The following PSD3 variants were observed in gnomAD, a reference collection of about 807,000 sequenced individuals.
The protein encoded by PSD3 is PH and SEC7 domain-containing protein 3.
A neutral mutation model predicts 105.5 loss-of-function variants in PSD3; 49 were observed. That is an observed-to-expected ratio of 0.46 (90% CI 0.37 to 0.59). The LOEUF (loss-of-function observed/expected upper bound fraction) is 0.59, where lower values mean the gene tolerates loss of function less well. Ranked by LOEUF, PSD3 falls within the 20% of genes least tolerant of loss-of-function variation. PSD3 has a pLI of 0.00. For missense variants in PSD3, 1,561 were observed against 1,263.8 expected (o/e 1.24, Z -3.57); for synonymous variants, 557 against 457.8 (o/e 1.22, Z -2.77).
intron 9 of PSD3, among the ~76,000 whole-genome samples, chr8:18,658,132 A>C (rs1342747522): frequency 1.3e-5 from 2 of 152,246 alleles, no homozygotes; most frequent in Non-Finnish European, 2.9e-5. Context: ...CTCACTGTGT[A>C]AACAACATAG....
chr8:18,706,307 C>T (rs1801894954), intron 9 of PSD3, among the ~76,000 whole-genome samples: 1 of 152,156 alleles, frequency 6.6e-6, no homozygotes, highest in African/African-American at 2.4e-5. Context: ...CAATATTGTG[C>T]TGTAAATTGT....
chr8:19,025,639 G>C (rs1215781493), intron 1 of PSD3, among the ~76,000 whole-genome samples: 1 of 152,118 alleles, frequency 6.6e-6, no homozygotes, highest in African/African-American at 2.4e-5. Context: ...ATGGCCACTT[G>C]GTCAGAAGTA....
intron 4 of PSD3, among the ~76,000 whole-genome samples, chr8:18,822,836 A>T (rs1404665127): frequency 6.6e-6 from 1 of 152,190 alleles, no homozygotes; most frequent in Admixed American, 6.5e-5. Flanking sequence ...AAATAAAAAA[A>T]TCCATGTCAG....
rs568532500 is a variant in PSD3 at position 18,795,744 on chromosome 8, T to C, written c.2082+3551A>G. 4.6e-5 allele frequency among the ~76,000 whole-genome samples: 7 copies of C among 152,264 alleles called. No individual in the cohort carries two copies. In the South Asian group the frequency reaches 6.2e-4, roughly 14 times the overall value. Reference sequence around the variant, plus strand: ...GAAGTACAAGCAAGCTAGTTAGTGGTAGGAAACAGAACGCATTTGAAGATC... The same window carrying C: ...GAAGTACAAGCAAGCTAGTTAGTGGCAGGAAACAGAACGCATTTGAAGATC... On this transcript the variant is annotated intron_variant, in intron 8 of 15. Coordinates refer to ENST00000327040, the MANE Select transcript of PSD3 (RefSeq NM_015310.4).
At chr8:18,781,387 C>T (rs1808608116) in intron 8 of PSD3, among the ~76,000 whole-genome samples, 1 of 152,192 alleles carries the variant, frequency 6.6e-6, no homozygotes. Context: ...CCATCTTTGT[C>T]TCTTGAAGTA....
intron 9 of PSD3, among the ~76,000 whole-genome samples, chr8:18,722,839 T>C (rs896858714): frequency 1.3e-5 from 2 of 152,094 alleles, no homozygotes; most frequent in African/African-American, 4.8e-5. Flanking sequence ...ATTACTGGAG[T>C]ACAATATGCC....
chr8:18,554,459 T>C (rs1393244630), intron 15 of PSD3, among the ~76,000 whole-genome samples: 1 of 152,218 alleles, frequency 6.6e-6, no homozygotes, highest in African/African-American at 2.4e-5. Flanking sequence ...AACGTTTACC[T>C]TTACCAAAAT....
In PSD3 at chr8:18,977,034, T is replaced by C. The variant is rs191593436; in HGVS notation, c.21+36529A>G. Among the ~76,000 whole-genome samples, 492 of 152,132 alleles carry C rather than the reference T, an allele frequency of 3.2e-3. 8 individuals are homozygous for C. The highest frequency in any genetic ancestry group is 0.03 in the Admixed American group (459 of 15,278). On this transcript the variant is annotated intron_variant, in intron 1 of 15. Transcript: ENST00000327040. The stretch of plus-strand genomic sequence containing the variant: ...ATGAGTGTGGTTAAGAAATGGTGGG[T>C]GGATCATCTGAGGTCAGGAGTTGGA...
At chr8:19,079,891 CTTT>C (rs11462511) in intron 1 of PSD3, among the ~76,000 whole-genome samples, 4 of 136,524 alleles carry the variant, frequency 2.9e-5, no homozygotes, top group African/African-American at 8.1e-5. Context: ...AAGAAAATAG[CTTT>C]TTTTTTTTTT....
intron 1 of PSD3, among the ~76,000 whole-genome samples, chr8:18,959,651 G>C (rs577969391): frequency 6.6e-6 from 1 of 152,234 alleles, no homozygotes; most frequent in African/African-American, 2.4e-5. Flanking sequence ...TGGGAATCAA[G>C]ACATTACTTT....
At chr8:18,809,105 C>T (rs2129448148) in intron 4 of PSD3, among the ~76,000 whole-genome samples, 1 of 152,312 alleles carries the variant, frequency 6.6e-6, no homozygotes, top group South Asian at 2.1e-4. Context: ...GATAACACCC[C>T]ATTTTGTTTT....
chr8:18,621,416 G>C (rs1165162886), intron 11 of PSD3, among the ~76,000 whole-genome samples: 1 of 152,144 alleles, frequency 6.6e-6, no homozygotes, highest in East Asian at 1.9e-4. Flanking sequence ...TCAGAAAAAA[G>C]ACTATTGCTC....
At chr8:18,897,315 C>G (rs1013140923) in intron 2 of PSD3, among the ~76,000 whole-genome samples, 1 of 152,026 alleles carries the variant, frequency 6.6e-6, no homozygotes, top group South Asian at 2.1e-4. Flanking sequence ...GAAAATGAGT[C>G]GGCTATAAAG....
At chr8:19,039,563 C>G (rs1363451534) in intron 1 of PSD3, among the ~76,000 whole-genome samples, 1 of 152,152 alleles carries the variant, frequency 6.6e-6, no homozygotes, top group Admixed American at 6.5e-5. Context: ...TAGAGGTCTT[C>G]ATCAAACCCT....
chr8:18,583,715 G>C (rs1802969691), intron 12 of PSD3, among the ~76,000 whole-genome samples: 1 of 152,078 alleles, frequency 6.6e-6, no homozygotes. Flanking sequence ...TCTTGCTCAG[G>C]TTAAGTGCCC....
rs201015455 is a variant in PSD3 at position 18,638,642 on chromosome 8, G to GA, written c.2217-5837dup. 6.4e-3 allele frequency among the ~76,000 whole-genome samples: 966 copies of GA among 151,944 alleles called. 8 individuals carry two copies. Among genetic ancestry groups the GA allele is most frequent in the Middle Eastern group, 0.01 (3 of 294 alleles). ...ATTGAAAAATTCACAAATCAATGGA[G>GA]AAAAAAATCCCATGTTAATGAACTG... On this transcript the variant is annotated intron_variant, in intron 10 of 15. Transcript: ENST00000327040.
intron 9 of PSD3, among the ~76,000 whole-genome samples, chr8:18,755,528 A>G (rs1185531084): frequency 1.3e-5 from 2 of 152,130 alleles, no homozygotes; most frequent in Non-Finnish European, 2.9e-5. Flanking sequence ...CTATGGATGC[A>G]TCTGAATAGG....
intron 4 of PSD3, among the ~76,000 whole-genome samples, chr8:18,830,313 T>C (rs1441436475): frequency 6.6e-6 from 1 of 152,196 alleles, no homozygotes; most frequent in Non-Finnish European, 1.5e-5. Context: ...CTTGCTATAT[T>C]AAAGCCTTTA....
intron 9 of PSD3, among the ~76,000 whole-genome samples, chr8:18,757,496 G>A (rs1159707973): frequency 6.6e-6 from 1 of 152,104 alleles, no homozygotes; most frequent in Non-Finnish European, 1.5e-5. Context: ...TAACTGCGTA[G>A]AGAAAATTCA....
Sources: allele counts gnomAD v4.1 joint callset (sites outside exome capture counted in the v4.1 genomes callset), GRCh38; gene constraint gnomAD v4.1.1; transcripts MANE v1.5; gene names NCBI Gene and HGNC (gene_info 2026-07-23, HGNC 2026-07-21).